The following TTC28 variants were observed in gnomAD, a reference collection of about 807,000 sequenced individuals.
TTC28 encodes tetratricopeptide repeat protein 28.
A neutral mutation model predicts 198.0 loss-of-function variants in TTC28; 61 were observed. The ratio of observed to expected loss-of-function variants is 0.31; its 90% CI spans 0.25 to 0.38. The LOEUF is 0.38. Among genes scored for constraint, TTC28 ranks in the 10% least tolerant of loss-of-function variants. The pLI is 1.00. For missense variants in TTC28, 2,678 were observed against 3,164.0 expected, an observed-to-expected ratio of 0.85 and a Z score of 3.69; for synonymous variants, 1,171 against 1,297.8, an observed-to-expected ratio of 0.90 and a Z score of 2.10.
intron 2 of TTC28, among the ~76,000 whole-genome samples, chr22:28,316,836 G>A (rs1353608077): frequency 2.0e-5 from 3 of 152,094 alleles, no homozygotes; most frequent in African/African-American, 7.2e-5. Context: ...GTATGATCAT[G>A]GCTCACTGCA....
At chr22:28,672,868 G>C (rs543259827) in intron 1 of TTC28, among the ~76,000 whole-genome samples, 1 of 152,202 alleles carries the variant, frequency 6.6e-6, no homozygotes, top group Non-Finnish European at 1.5e-5. Context: ...CTGCCCCTAG[G>C]CAAGGACGTG....
At chr22:28,016,701 G>A (rs996958485) in intron 13 of TTC28, among the ~76,000 whole-genome samples, 4 of 152,150 alleles carry the variant, frequency 2.6e-5, no homozygotes, top group African/African-American at 7.2e-5. Flanking sequence ...AAGGCCCTTC[G>A]GCTTTGAACT....
intron 2 of TTC28, among the ~76,000 whole-genome samples, chr22:28,628,520 C>A (rs2051114688): frequency 6.6e-6 from 1 of 152,100 alleles, no homozygotes; most frequent in Non-Finnish European, 1.5e-5. Flanking sequence ...AACTATAGTC[C>A]TCATGTGGTG....
intron 5 of TTC28, among the ~76,000 whole-genome samples, chr22:28,165,073 T>G (rs1007702786): frequency 6.6e-6 from 1 of 152,124 alleles, no homozygotes; most frequent in Non-Finnish European, 1.5e-5. Flanking sequence ...GAAGAAAGGG[T>G]ATCAGTGATG....
intron 2 of TTC28, among the ~76,000 whole-genome samples, chr22:28,468,690 AT>A (rs35984422): frequency 0.053 from 6,530 of 122,268 alleles, 218 homozygotes; most frequent in African/African-American, 0.12. Context: ...CGCCCGGCTA[AT>A]TTTTTTTTTT....
intron 5 of TTC28, among the ~76,000 whole-genome samples, chr22:28,242,796 A>C (rs1043540539): frequency 6.6e-6 from 1 of 152,090 alleles, no homozygotes; most frequent in East Asian, 1.9e-4. Context: ...GTGACCAATA[A>C]TATGAAAGAG....
intron 1 of TTC28, among the ~76,000 whole-genome samples, chr22:28,663,091 A>G (rs1465778385): frequency 1.3e-5 from 2 of 152,006 alleles, no homozygotes; most frequent in Non-Finnish European, 2.9e-5. Flanking sequence ...TACTAAAAAT[A>G]CAATAAATTA....
At chr22:28,059,525 C>T (rs1940426050) in intron 12 of TTC28, among the ~76,000 whole-genome samples, 1 of 151,994 alleles carries the variant, frequency 6.6e-6, no homozygotes, top group African/African-American at 2.4e-5. Context: ...TGTTCTATAA[C>T]TATAATTAGG....
chr22:28,217,938 T>C (rs1214672925), intron 5 of TTC28, among the ~76,000 whole-genome samples: 3 of 152,234 alleles, frequency 2.0e-5, no homozygotes. Context: ...CTTAATGTTT[T>C]TGCTTAATAG....
chr22:28,360,203 T>C (rs1175012407), intron 2 of TTC28, among the ~76,000 whole-genome samples: 1 of 152,144 alleles, frequency 6.6e-6, no homozygotes. Context: ...AAACAAAATC[T>C]TAACCAGAAT....
At chr22:28,068,732 A>G (rs2146763889) in intron 12 of TTC28, among the ~76,000 whole-genome samples, 1 of 152,288 alleles carries the variant, frequency 6.6e-6, no homozygotes, top group South Asian at 2.1e-4. Context: ...GTAAATTCTC[A>G]AGGACTGCTT....
At chr22:28,531,322 A>T (rs1414784319) in intron 2 of TTC28, among the ~76,000 whole-genome samples, 1 of 152,222 alleles carries the variant, frequency 6.6e-6, no homozygotes, top group African/African-American at 2.4e-5. Context: ...AGGCCATTAC[A>T]TAATGGTAAA....
At chr22:28,484,400 C>T (rs1313290119) in intron 2 of TTC28, among the ~76,000 whole-genome samples, 6 of 152,154 alleles carry the variant, frequency 3.9e-5, no homozygotes, top group Admixed American at 2.0e-4. Flanking sequence ...GCATGAGCCA[C>T]CGCACCCAGC....
rs997186952 is a variant in TTC28, at chr22:28,163,499, T to C, written c.1034A>G (p.Lys345Arg). 9.7e-6 allele frequency: 15 copies of C among 1,551,806 alleles called. No homozygotes were observed. The highest frequency in any genetic ancestry group is 1.3e-5 in the Non-Finnish European group (15 of 1,147,016). Residue 345 changes from lysine to arginine, a missense_variant, in exon 6 of 23, where the codon AAG becomes AGG. Lys to Arg is a conservative substitution (Grantham distance 26). This residue lies in a region of TTC28 where 775 missense variants were observed against 845.9 expected (regional missense o/e 0.92). Transcript: ENST00000397906. ...ASHKQCVLLA[K>R]QSKDELSEAR... The stretch of plus-strand genomic sequence containing the variant: ...TTCAGAAAGTTCATCTTTGGATTGC[T>C]TGGCAAGAAGAACACACTGTTTGTG...
chr22:28,427,460 G>C (rs188562339), intron 2 of TTC28, among the ~76,000 whole-genome samples: 63 of 152,224 alleles, frequency 4.1e-4, no homozygotes, highest in African/African-American at 1.3e-3. Context: ...ACACCAACCT[G>C]CCTAACATGG....
intron 2 of TTC28, among the ~76,000 whole-genome samples, chr22:28,499,525 G>GA (rs199919039): frequency 1.7e-4 from 25 of 149,026 alleles, no homozygotes; most frequent in South Asian, 2.1e-4. Flanking sequence ...TTTTCCTCTG[G>GA]AAAAAAAAAT....
At chr22:28,454,741 A>G (rs1178702471) in intron 2 of TTC28, among the ~76,000 whole-genome samples, 1 of 152,242 alleles carries the variant, frequency 6.6e-6, no homozygotes, top group Non-Finnish European at 1.5e-5. Flanking sequence ...AAATAAATTT[A>G]ACACACTTTG....
intron 6 of TTC28, among the ~76,000 whole-genome samples, chr22:28,126,467 A>C (rs1321231418): frequency 6.6e-6 from 1 of 152,216 alleles, no homozygotes; most frequent in African/African-American, 2.4e-5. Flanking sequence ...TAGTCTAAGT[A>C]GTTGTAAAGA....
intron 1 of TTC28, among the ~76,000 whole-genome samples, chr22:28,677,944 A>AG (rs1413754429): frequency 1.3e-5 from 2 of 152,096 alleles, no homozygotes; most frequent in African/African-American, 4.8e-5. Flanking sequence ...TCTCAAAAAA[A>AG]AAAAGAAAAA....
Sources: gnomAD v4.1 joint callset for allele counts (sites outside exome capture counted in the v4.1 genomes callset) on GRCh38, gnomAD v4.1.1 for gene constraint, gnomAD v4.1.1 regional missense constraint, MANE v1.5 for transcripts, NCBI Gene and HGNC (gene_info 2026-07-23, HGNC 2026-07-21) for gene names.